TLE4: variants seen among roughly 807,000 people sequenced by gnomAD.
TLE4 encodes the protein transducin-like enhancer protein 4.
In TLE4, 8 loss-of-function variants were observed where a neutral mutation model predicts 92.8. The observed-to-expected ratio is 0.09, with a 90% CI of 0.05 to 0.16. The LOEUF (loss-of-function observed/expected upper bound fraction) is 0.16, where lower values mean the gene tolerates loss of function less well. TLE4 is among the 10% of genes least tolerant of loss of function. TLE4 has a pLI of 1.00. For missense variants in TLE4, 675 were observed against 997.6 expected, an observed-to-expected ratio of 0.68 and a Z score of 4.36; for synonymous variants, 371 against 374.1, an observed-to-expected ratio of 0.99 and a Z score of 0.10.
intron 6 of TLE4, chr9:79,627,696 T>C: frequency 2.2e-6 from 1 of 458,704 alleles, no homozygotes; most frequent in Non-Finnish European, 3.9e-6. Flanking sequence ...TAGCTCTTTT[T>C]CATATTTCTT....
At chr9:79,710,448 C>CTG (rs1333304038) in intron 14 of TLE4, among the ~76,000 whole-genome samples, 3 of 152,138 alleles carry the variant, frequency 2.0e-5, no homozygotes, top group African/African-American at 7.2e-5. Context: ...TGTTAGTCAC[C>CTG]TGTGTGTGTG....
At chr9:79,697,446 C>T (rs1047089484) in intron 8 of TLE4, among the ~76,000 whole-genome samples, 1 of 151,960 alleles carries the variant, frequency 6.6e-6, no homozygotes, top group African/African-American at 2.4e-5. Context: ...CTACTTTCTT[C>T]CTTGTGTGGC....
chr9:79,662,305 T>C (rs556842028), intron 8 of TLE4, among the ~76,000 whole-genome samples: 5 of 152,248 alleles, frequency 3.3e-5, no homozygotes, highest in South Asian at 4.2e-4. Context: ...GACTTCAAAT[T>C]TGAGAATAGA....
chr9:79,574,347 C>T (rs1196482011), intron 2 of TLE4, among the ~76,000 whole-genome samples: 2 of 152,044 alleles, frequency 1.3e-5, no homozygotes, highest in Non-Finnish European at 2.9e-5. Flanking sequence ...AGAACCAAAA[C>T]AAACCACTGA....
chr9:79,645,643 C>A (rs2057985944), intron 6 of TLE4, among the ~76,000 whole-genome samples: 1 of 152,158 alleles, frequency 6.6e-6, no homozygotes, highest in Non-Finnish European at 1.5e-5. Flanking sequence ...TACAGAGAAT[C>A]CAGAAAAGAC....
At chr9:79,617,374 C>G (rs1397396848) in intron 5 of TLE4, among the ~76,000 whole-genome samples, 1 of 152,034 alleles carries the variant, frequency 6.6e-6, no homozygotes, top group African/African-American at 2.4e-5. Context: ...TCTTGTTTCC[C>G]TATAAGGATC....
chr9:79,680,263 T>C (rs1316531496), intron 8 of TLE4, among the ~76,000 whole-genome samples: 3 of 151,524 alleles, frequency 2.0e-5, no homozygotes, highest in African/African-American at 7.3e-5. Context: ...GGAATGTTCT[T>C]CCATTTGTTT....
At chr9:79,676,555 AAAAC>A (rs1386143076) in intron 8 of TLE4, among the ~76,000 whole-genome samples, 1 of 152,198 alleles carries the variant, frequency 6.6e-6, no homozygotes, top group East Asian at 1.9e-4. Flanking sequence ...ACTGGAAAGG[AAAAC>A]AAAGAAAAGT....
Position 79,652,588 on chromosome 9 carries a change from A to T in TLE4, c.391-5A>T. The T allele has an allele frequency of 6.2e-7, 1 of 1,614,034 alleles. No individual in the cohort carries two copies. The highest frequency in any genetic ancestry group is 1.1e-5 in the South Asian group (1 of 91,086). ...TCAATATCTGTGTTTAATTTTTCACAGCAGCAACAACTCCAGGCCCAGCAT... is the reference window on the plus strand; with the variant it reads ...TCAATATCTGTGTTTAATTTTTCACTGCAGCAACAACTCCAGGCCCAGCAT... On this transcript the variant is annotated splice_polypyrimidine_tract_variant and splice_region_variant and intron_variant, in intron 6 of 19. Transcript: ENST00000376552.
At chr9:79,657,744 G>T (rs1356450996) in intron 8 of TLE4, among the ~76,000 whole-genome samples, 1 of 152,156 alleles carries the variant, frequency 6.6e-6, no homozygotes, top group Admixed American at 6.5e-5. Flanking sequence ...CGTCCCAAAT[G>T]TGTGCATAAT....
chr9:79,666,013 G>A (rs1197899443), intron 8 of TLE4, among the ~76,000 whole-genome samples: 1 of 152,056 alleles, frequency 6.6e-6, no homozygotes, highest in African/African-American at 2.4e-5. Context: ...GTTTTTGAAA[G>A]CACAATTTTT....
chr9:79,592,398 C>T (rs2042940108), intron 4 of TLE4, among the ~76,000 whole-genome samples: 1 of 151,532 alleles, frequency 6.6e-6, no homozygotes, highest in African/African-American at 2.4e-5. Flanking sequence ...ACCTCAGCCT[C>T]CTGAATAGCT....
chr9:79,697,093 G>A (rs1018869299), intron 8 of TLE4, among the ~76,000 whole-genome samples: 11 of 152,154 alleles, frequency 7.2e-5, no homozygotes, highest in Admixed American at 7.2e-4. Context: ...GCATGTAACT[G>A]TAATTTACAG....
chr9:79,644,112 G>A (rs990378149), intron 6 of TLE4, among the ~76,000 whole-genome samples: 1 of 152,090 alleles, frequency 6.6e-6, no homozygotes, highest in Non-Finnish European at 1.5e-5. Context: ...GGGATCTCGT[G>A]GGAGGTAATT....
rs368788587 is a variant in TLE4 at position 79,607,074 on chromosome 9, G to C, written c.253-5582G>C. Among the ~76,000 whole-genome samples, 16 of 152,246 alleles carry C rather than the reference G, an allele frequency of 1.1e-4. 2 individuals are homozygous for C. Among genetic ancestry groups the C allele is most frequent in the Admixed American group, 9.1e-4 (14 of 15,304 alleles). On this transcript the variant is annotated intron_variant, in intron 4 of 19. Transcript: ENST00000376552. ...TTTTTAATGATCCCCACTCTAACTG[G>C]TGTGAGATGGTATCTCATTGTGGTT...
intron 1 of TLE4, among the ~76,000 whole-genome samples, chr9:79,573,098 C>G (rs1459974848): frequency 6.6e-6 from 1 of 152,008 alleles, no homozygotes; most frequent in Non-Finnish European, 1.5e-5. Flanking sequence ...GAGCCGTTTG[C>G]GGTCCCCGCG....
chr9:79,708,100 G>T lies in TLE4; in HGVS notation c.937-18G>T. 1 of 1,612,500 alleles carries T rather than the reference G, an allele frequency of 6.2e-7. No homozygotes were observed. Among genetic ancestry groups the T allele is most frequent in the Middle Eastern group, 1.7e-4 (1 of 6,058 alleles). Reference sequence around the variant, plus strand: ...AACCATGTTCTAATTGCTGGTATATGTCATTTCATCTTGTTAGAATGAAAA... The same window carrying T: ...AACCATGTTCTAATTGCTGGTATATTTCATTTCATCTTGTTAGAATGAAAA... On this transcript the variant is annotated intron_variant, in intron 11 of 19. Transcript: ENST00000376552.
chr9:79,595,992 G>A lies in TLE4; in HGVS notation c.253-16664G>A, dbSNP rs541442577. ...CTCCCAAGTAGCTGGGACTACAGGCGCCCACCACCACGCCATGCTATTTTT... is the reference window on the plus strand; with the variant it reads ...CTCCCAAGTAGCTGGGACTACAGGCACCCACCACCACGCCATGCTATTTTT... On this transcript the variant is annotated intron_variant, in intron 4 of 19. Coordinates refer to ENST00000376552, the MANE Select transcript of TLE4 (RefSeq NM_007005.6). Among the ~76,000 whole-genome samples the A allele has an allele frequency of 9.9e-5, 15 of 151,908 alleles. No individual in the cohort carries two copies. The East Asian group carries it at 1.9e-3, about 20-fold the overall frequency.
chr9:79,585,581 G>C (rs956881223), intron 4 of TLE4, among the ~76,000 whole-genome samples: 26 of 152,078 alleles, frequency 1.7e-4, no homozygotes, highest in African/African-American at 6.3e-4. Flanking sequence ...GTAAGTGAAC[G>C]CCCAGATCTC....
Sources: allele counts gnomAD v4.1 joint callset (sites outside exome capture counted in the v4.1 genomes callset), GRCh38; gene constraint gnomAD v4.1.1; transcripts MANE v1.5; gene names NCBI Gene and HGNC (gene_info 2026-07-23, HGNC 2026-07-21).